ADCY2: variants seen among roughly 807,000 people sequenced by gnomAD.
ADCY2 encodes adenylate cyclase 2.
ADCY2 carries 31 observed loss-of-function variants against 125.2 expected under a neutral mutation model. The ratio of observed to expected loss-of-function variants is 0.25; its 90% CI spans 0.19 to 0.33. The LOEUF (loss-of-function observed/expected upper bound fraction) is 0.33. Among genes scored for constraint, ADCY2 ranks in the 10% least tolerant of loss-of-function variants. The pLI is 1.00. For missense variants in ADCY2, 904 were observed against 1,418.2 expected (o/e 0.64, Z 5.82); for synonymous variants, 512 against 548.4 (o/e 0.93, Z 0.93).
chr5:7,706,576 G>A (rs1015757422), intron 7 of ADCY2, among the ~76,000 whole-genome samples, 168 bp from the exon 8 acceptor site: 41 of 152,206 alleles, frequency 2.7e-4, no homozygotes, highest in African/African-American at 9.6e-4. Flanking sequence ...GTGACTGGAA[G>A]GAAAATCCCT....
At chr5:7,443,210 G>T (rs779274379) in intron 2 of ADCY2, among the ~76,000 whole-genome samples, 41 of 152,216 alleles carry the variant, frequency 2.7e-4, no homozygotes, top group Non-Finnish European at 5.3e-4. Flanking sequence ...AAGTGTTTTT[G>T]AAGAGAAAGA....
At chr5:7,431,482 T>G (rs1740598918) in intron 2 of ADCY2, among the ~76,000 whole-genome samples, 1 of 151,974 alleles carries the variant, frequency 6.6e-6, no homozygotes, top group African/African-American at 2.4e-5. Context: ...TACCCTTGTG[T>G]TAGAAAATGA....
intron 16 of ADCY2, among the ~76,000 whole-genome samples, chr5:7,765,512 C>T (rs1381537764): frequency 6.6e-6 from 1 of 151,940 alleles, no homozygotes; most frequent in East Asian, 1.9e-4. Flanking sequence ...CAAATTTAGT[C>T]AAATGATATA....
At chr5:7,811,938 T>C (rs1744955241) in intron 22 of ADCY2, among the ~76,000 whole-genome samples, 1 of 152,256 alleles carries the variant, frequency 6.6e-6, no homozygotes, top group Non-Finnish European at 1.5e-5. Flanking sequence ...TTTTCTCTAC[T>C]GACTGAGCCA....
At position 7,396,572 on chromosome 5, in the gene ADCY2, G is replaced by A. The variant is rs1450268083; in HGVS notation, c.210+66G>A. On this transcript the variant is annotated intron_variant, in intron 1 of 24. Transcript: ENST00000338316. This position sits in a 1 kb window ranked among gnomAD's most constrained non-coding sequence, Gnocchi z 5.7. ...GGCCCTGAGAGGAGCCCGGCCAGCC[G>A]AGCCGCGTCCCGCTCCGGGCTGCCC... 27 of 1,407,550 alleles carry A rather than the reference G, an allele frequency of 1.9e-5. No individual in the cohort carries two copies. The highest frequency in any genetic ancestry group is 3.2e-5 in the East Asian group (1 of 31,534). The allele number at this position is 1,407,550 out of a possible 1,614,324, so 87.2% of individuals were successfully genotyped here.
intron 2 of ADCY2, among the ~76,000 whole-genome samples, chr5:7,476,128 C>A (rs920880859): frequency 6.6e-6 from 1 of 152,072 alleles, no homozygotes; most frequent in Non-Finnish European, 1.5e-5. Flanking sequence ...AAAAGTACTT[C>A]TTGAAAACCC....
At chr5:7,587,375 G>A (rs1250718201) in intron 3 of ADCY2, among the ~76,000 whole-genome samples, 1 of 152,158 alleles carries the variant, frequency 6.6e-6, no homozygotes, top group Admixed American at 6.5e-5. Flanking sequence ...TCCCTACTCT[G>A]TTGCGAGATG....
At chr5:7,471,274 A>G (rs1302049972) in intron 2 of ADCY2, among the ~76,000 whole-genome samples, 1 of 151,958 alleles carries the variant, frequency 6.6e-6, no homozygotes, top group Non-Finnish European at 1.5e-5. Context: ...GAAAGGTTAA[A>G]GACTACAATT....
chr5:7,792,573 GT>G (rs1381864207), intron 20 of ADCY2, among the ~76,000 whole-genome samples: 1 of 125,072 alleles, frequency 8.0e-6, no homozygotes, highest in Non-Finnish European at 1.5e-5. Context: ...CCTGTCTCAT[GT>G]CCTGACAGCC....
chr5:7,711,537 A>G (rs983052678), intron 10 of ADCY2, among the ~76,000 whole-genome samples: 3 of 152,082 alleles, frequency 2.0e-5, no homozygotes, highest in African/African-American at 7.2e-5. Context: ...TTTTCCAGGT[A>G]TATTGTTGTT....
intron 9 of ADCY2, 200 bp downstream of exon 9, chr5:7,708,038 T>A: frequency 3.5e-6 from 2 of 568,044 alleles, no homozygotes; most frequent in Non-Finnish European, 5.8e-6. Flanking sequence ...GCAGTTGAAA[T>A]GCACTGCTTT....
chr5:7,674,107 G>A (rs938323987), intron 4 of ADCY2, among the ~76,000 whole-genome samples: 2 of 152,052 alleles, frequency 1.3e-5, no homozygotes, highest in African/African-American at 2.4e-5. Context: ...CCCTAGCTTC[G>A]GTGTTGGATT....
chr5:7,409,406 A>G (rs1216887204), intron 1 of ADCY2, among the ~76,000 whole-genome samples: 2 of 152,304 alleles, frequency 1.3e-5, no homozygotes, highest in East Asian at 3.9e-4. Context: ...ATAAAATAAA[A>G]TTCACATTAT....
Position 7,626,163 on chromosome 5 carries a change from T to G in ADCY2, c.571-4T>G, listed in dbSNP as rs572088803. 6.2e-7 allele frequency: 1 copy of G among 1,612,336 alleles called. No homozygotes were observed. The highest frequency in any genetic ancestry group is 1.1e-5 in the South Asian group (1 of 90,474). ...CTATTGAGCAGCTCTTTCTGTCTCT[T>G]TAGATCCTGGCCAATGTGATCATTT... On this transcript the variant is annotated splice_polypyrimidine_tract_variant and splice_region_variant and intron_variant, in intron 3 of 24. Transcript: ENST00000338316.
chr5:7,708,303 T>C (rs1172827057), intron 9 of ADCY2: 1 of 154,022 alleles, frequency 6.5e-6, no homozygotes, highest in Non-Finnish European at 1.4e-5. Flanking sequence ...AAATATTACA[T>C]AGACATGCTT....
chr5:7,749,475 A>G (rs1742734507), intron 15 of ADCY2, among the ~76,000 whole-genome samples: 1 of 152,226 alleles, frequency 6.6e-6, no homozygotes. Flanking sequence ...ATTCAAGTTC[A>G]CATTTTCATT....
intron 2 of ADCY2, among the ~76,000 whole-genome samples, chr5:7,472,821 G>C (rs1405035764): frequency 6.6e-6 from 1 of 152,046 alleles, no homozygotes; most frequent in Non-Finnish European, 1.5e-5. Context: ...TGGTTGGTGA[G>C]TTTTTTAAGT....
chr5:7,439,637 T>A (rs868824367), intron 2 of ADCY2, among the ~76,000 whole-genome samples: 4 of 152,204 alleles, frequency 2.6e-5, no homozygotes, highest in Middle Eastern at 3.2e-3. Flanking sequence ...AGAACACTTG[T>A]AATTTATTAA....
At chr5:7,741,638 T>C (rs1177802669) in intron 14 of ADCY2, among the ~76,000 whole-genome samples, 32 of 147,584 alleles carry the variant, frequency 2.2e-4, no homozygotes, top group Admixed American at 3.3e-4. Context: ...ACCATCATCA[T>C]CACCATCACC....
Sources: gnomAD v4.1 joint callset for allele counts (sites outside exome capture counted in the v4.1 genomes callset) on GRCh38, gnomAD v4.1.1 for gene constraint, Gnocchi (gnomAD v3.1) non-coding constraint, MANE v1.5 for transcripts, NCBI Gene and HGNC (gene_info 2026-07-23, HGNC 2026-07-21) for gene names.